IARS1: variants seen among roughly 807,000 people sequenced by gnomAD.
IARS1 encodes the protein isoleucyl-tRNA synthetase 1.
In IARS1, 124 loss-of-function variants were observed where a neutral mutation model predicts 168.2. That is an observed-to-expected ratio of 0.74 (90% confidence interval 0.64 to 0.86). The LOEUF (loss-of-function observed/expected upper bound fraction) is 0.86, where lower values mean the gene tolerates loss of function less well. IARS1 is among the 40% of genes least tolerant of loss of function. IARS1 has a pLI of 0.00. For missense variants in IARS1, 1,452 were observed against 1,515.8 expected, an observed-to-expected ratio of 0.96 and a Z score of 0.70; for synonymous variants, 532 against 529.4, an observed-to-expected ratio of 1.00 and a Z score of -0.07.
chr9:92,232,336 CAT>C (rs1180215352), intron 30 of IARS1, among the ~76,000 whole-genome samples: 1 of 152,084 alleles, frequency 6.6e-6, no homozygotes, highest in Non-Finnish European at 1.5e-5. Flanking sequence ...TACAAGGAAG[CAT>C]ATGTTTCTAC....
At chr9:92,242,462 T>G (rs1282730261) in intron 28 of IARS1, 132 bp from the exon 29 acceptor site, 1 of 663,102 alleles carries the variant, frequency 1.5e-6, no homozygotes, top group African/African-American at 1.8e-5. Flanking sequence ...CTTCCCTCCC[T>G]GCTGGGTGAT....
At chr9:92,289,474 T>A (rs750654405) in intron 1 of IARS1, 48 bp from the exon 2 acceptor site, 1 of 828,008 alleles carries the variant, frequency 1.2e-6, no homozygotes, top group East Asian at 2.4e-5. Context: ...AATCTAGGAA[T>A]AACAGAGTAC....
In IARS1 at chr9:92,280,755, T is replaced by A; in HGVS notation, c.736A>T (p.Lys246Ter). Residue 246 changes from lysine to a stop codon, truncating the protein, a stop_gained, in exon 7 of 34, where the codon AAA becomes TAA. Coordinates refer to ENST00000443024, the MANE Select transcript of IARS1 (RefSeq NM_002161.6). LOFTEE classifies it high-confidence loss of function. ...CCAGCCTCCCACTTACCTTTAATTT[T>A]CACATATTGCATTTCTGGATTAACA... ...VCVNPEMQYV[K>*]IKDVARGRLL... The A allele has an allele frequency of 6.2e-7, 1 of 1,607,610 alleles. No individual in the cohort carries two copies. Among genetic ancestry groups the A allele is most frequent in the East Asian group, 2.2e-5 (1 of 44,636 alleles).
chr9:92,267,424 C>T (rs1247942488), intron 14 of IARS1, among the ~76,000 whole-genome samples: 2 of 152,178 alleles, frequency 1.3e-5, no homozygotes, highest in Admixed American at 1.3e-4. Flanking sequence ...GGACAGAAGG[C>T]CAAACACACA....
chr9:92,256,165 A>T (rs1830688206), intron 20 of IARS1, among the ~76,000 whole-genome samples: 1 of 151,502 alleles, frequency 6.6e-6, no homozygotes, highest in Non-Finnish European at 1.5e-5. Flanking sequence ...CACCCCCTAA[A>T]GACAGAATTC....
intron 33 of IARS1, among the ~76,000 whole-genome samples, chr9:92,214,635 T>C (rs1246203673): frequency 6.6e-6 from 1 of 152,190 alleles, no homozygotes; most frequent in Non-Finnish European, 1.5e-5. Context: ...GGGAGTTCCC[T>C]TTCCGAGTCA....
At chr9:92,239,517 G>C (rs1587758094) in intron 30 of IARS1, among the ~76,000 whole-genome samples, 1 of 149,840 alleles carries the variant, frequency 6.7e-6, no homozygotes, top group African/African-American at 2.4e-5. Context: ...ATGTAGATGT[G>C]GATTCTTTTG....
At chr9:92,224,843 A>AAATAAAT (rs1181096922) in intron 31 of IARS1, among the ~76,000 whole-genome samples, 1 of 151,916 alleles carries the variant, frequency 6.6e-6, no homozygotes, top group Non-Finnish European at 1.5e-5. Context: ...AAAAAATAAA[A>AAATAAAT]AATAAAAAAT....
chr9:92,246,828 G>C (rs993888618), intron 26 of IARS1, among the ~76,000 whole-genome samples: 1 of 152,026 alleles, frequency 6.6e-6, no homozygotes, highest in African/African-American at 2.4e-5. Context: ...TCTGTGCCCA[G>C]CTATTTTCTT....
chr9:92,250,242 T>C lies in IARS1; in HGVS notation c.2477A>G (p.Gln826Arg). ...CACTCTTCCAAGTTCAATCACAGAC[T>C]GCATCTGAGATACTGCACTCTCTGT... The part of the protein sequence containing the change: ...KKTESAVSQM[Q>R]SVIELGRVIR... The change falls in exon 24 of 34, where the codon CAG becomes CGG. Residue 826 changes from glutamine to arginine, a missense_variant. Gln to Arg is a conservative substitution (Grantham distance 43). Transcript: ENST00000443024. The C allele has an allele frequency of 6.2e-7, 1 of 1,612,934 alleles. No homozygotes were observed. The highest frequency in any genetic ancestry group is 8.5e-7 in the Non-Finnish European group (1 of 1,178,902).
intron 30 of IARS1, among the ~76,000 whole-genome samples, chr9:92,238,365 G>A (rs886859898): frequency 2.0e-5 from 3 of 152,278 alleles, no homozygotes; most frequent in African/African-American, 4.8e-5. Flanking sequence ...TGAATGGCTT[G>A]GTACCCTTGT....
intron 10 of IARS1, among the ~76,000 whole-genome samples, chr9:92,273,732 A>G (rs1414389750): frequency 6.6e-6 from 1 of 152,240 alleles, no homozygotes; most frequent in Non-Finnish European, 1.5e-5. Context: ...TGAAAGCAAA[A>G]TGGCAGATGA....
chr9:92,226,544 A>C (rs1218555862), intron 31 of IARS1, among the ~76,000 whole-genome samples: 1 of 152,236 alleles, frequency 6.6e-6, no homozygotes, highest in Non-Finnish European at 1.5e-5. Flanking sequence ...AAAGTCCCAT[A>C]AACTGCAGGG....
At chr9:92,241,054 A>G in intron 29 of IARS1, 93 bp from the exon 30 acceptor site, 1 of 729,644 alleles carries the variant, frequency 1.4e-6, no homozygotes, top group Non-Finnish European at 2.5e-6. Context: ...CAGTAACAAC[A>G]AGAGCTGTAC....
At position 92,263,009 on chromosome 9, in the gene IARS1, G is replaced by A; in HGVS notation, c.1747C>T (p.Pro583Ser). ...CCATTCACAATTACGTTCTTGAAAG[G>A]CGGTTGTCCAAAGAGGGCCGTGGCC... ...VLATALFGQP[P>S]FKNVIVNGLV... The change falls in exon 17 of 34, where the codon CCT (proline) becomes TCT (serine). Residue 583 changes from proline to serine, a missense_variant. By Grantham distance (74) the Pro-to-Ser change is moderately conservative. Coordinates refer to ENST00000443024, the MANE Select transcript of IARS1 (RefSeq NM_002161.6). 1 of 1,614,064 alleles carries A rather than the reference G, an allele frequency of 6.2e-7. No individual in the cohort carries two copies. Among genetic ancestry groups the A allele is most frequent in the Non-Finnish European group, 8.5e-7 (1 of 1,180,004 alleles).
In IARS1 at chr9:92,287,912, T is replaced by C; in HGVS notation, c.277-2A>G. The C allele has an allele frequency of 1.2e-6, 2 of 1,613,666 alleles. No individual in the cohort carries two copies. Among genetic ancestry groups the C allele is most frequent in the Non-Finnish European group, 1.7e-6 (2 of 1,179,894 alleles). ...CAGTGTCTTATCAATTTCATATTCCTGAAAATTTGTGATAAGACTGTTACC... is the reference window on the plus strand; with the variant it reads ...CAGTGTCTTATCAATTTCATATTCCCGAAAATTTGTGATAAGACTGTTACC... On this transcript the variant is annotated splice_acceptor_variant, in intron 3 of 33. Transcript: ENST00000443024. LOFTEE classifies it high-confidence loss of function.
chr9:92,222,699 A>C (rs1299646480), intron 32 of IARS1, 27 bp from the exon 33 acceptor site: 1 of 1,612,264 alleles, frequency 6.2e-7, no homozygotes. Context: ...AAACTGGATT[A>C]AATCTCGAGA....
At chr9:92,247,345 T>A (rs747334648) in intron 26 of IARS1, 32 bp downstream of exon 26, 2 of 1,595,318 alleles carry the variant, frequency 1.3e-6, no homozygotes, top group South Asian at 2.3e-5. Flanking sequence ...ACTCAGGACA[T>A]AAATGGTGCC....
intron 33 of IARS1, among the ~76,000 whole-genome samples, chr9:92,214,253 G>A (rs185560434): frequency 2.6e-5 from 4 of 151,764 alleles, no homozygotes; most frequent in South Asian, 4.2e-4. Flanking sequence ...ACAGAAAGAC[G>A]GAAACTCAAA....
Sources: allele counts gnomAD v4.1 joint callset (sites outside exome capture counted in the v4.1 genomes callset), GRCh38; gene constraint gnomAD v4.1.1; transcripts MANE v1.5; gene names NCBI Gene and HGNC (gene_info 2026-07-23, HGNC 2026-07-21).